Variants in PDE10A observed in about 807,000 individuals in gnomAD.
The protein encoded by PDE10A is phosphodiesterase 10A.
Under a neutral mutation model 97.7 loss-of-function variants are expected in PDE10A, and 39 were observed. The ratio of observed to expected loss-of-function variants is 0.40; its 90% confidence interval spans 0.31 to 0.52. PDE10A has a LOEUF of 0.52. Ranked by LOEUF, PDE10A falls within the 20% of genes least tolerant of loss-of-function variation. The pLI is 0.56. For missense variants in PDE10A, 731 were observed against 1,047.8 expected (o/e 0.70, Z 4.17); for synonymous variants, 371 against 376.8 (o/e 0.98, Z 0.18).
At chr6:165,871,855 G>C (rs924786582) in intron 1 of PDE10A, among the ~76,000 whole-genome samples, 3 of 152,208 alleles carry the variant, frequency 2.0e-5, no homozygotes, top group African/African-American at 4.8e-5. Context: ...GTGAAGGCTG[G>C]AGAAACAGGA....
At chr6:165,701,396 T>C (rs1791566602) in intron 1 of PDE10A, among the ~76,000 whole-genome samples, 1 of 152,256 alleles carries the variant, frequency 6.6e-6, no homozygotes, top group Non-Finnish European at 1.5e-5. Context: ...ATGCTGCACA[T>C]GCTAGCCACT....
intron 5 of PDE10A, among the ~76,000 whole-genome samples, chr6:165,445,888 C>T (rs1790813309): frequency 7.4e-6 from 1 of 134,734 alleles, no homozygotes; most frequent in Non-Finnish European, 1.6e-5. Context: ...ATAGAATTCA[C>T]AGTTAGAGAG....
At chr6:165,959,979 C>T (rs575370369) in intron 1 of PDE10A, among the ~76,000 whole-genome samples, 1 of 152,290 alleles carries the variant, frequency 6.6e-6, no homozygotes, top group Admixed American at 6.5e-5. Flanking sequence ...CCAGCCACAG[C>T]AAGGGACAAT....
At chr6:165,480,534 T>G (rs1779544588) in intron 3 of PDE10A, among the ~76,000 whole-genome samples, 1 of 151,908 alleles carries the variant, frequency 6.6e-6, no homozygotes, top group South Asian at 2.1e-4. Context: ...TGAAGTGAGC[T>G]GACTGTACCA....
At chr6:165,608,080 A>ATACATG (rs1239916295) in intron 1 of PDE10A, among the ~76,000 whole-genome samples, 2 of 136,212 alleles carry the variant, frequency 1.5e-5, no homozygotes, top group African/African-American at 6.8e-5. Flanking sequence ...ATATGTATAT[A>ATACATG]TGTATATATA....
At chr6:165,384,485 T>C (rs1785126344) in intron 17 of PDE10A, among the ~76,000 whole-genome samples, 1 of 152,190 alleles carries the variant, frequency 6.6e-6, no homozygotes, top group Non-Finnish European at 1.5e-5. Context: ...CCTTACTTCA[T>C]GACTTAATCT....
chr6:165,680,951 G>A (rs1790959272), intron 1 of PDE10A, among the ~76,000 whole-genome samples: 1 of 152,168 alleles, frequency 6.6e-6, no homozygotes, highest in Non-Finnish European at 1.5e-5. Context: ...ATGTTTTAGG[G>A]TGGCCAGCTT....
intron 2 of PDE10A, among the ~76,000 whole-genome samples, chr6:165,485,735 G>T (rs1334646438): frequency 6.6e-6 from 1 of 151,832 alleles, no homozygotes; most frequent in African/African-American, 2.4e-5. Flanking sequence ...TGGGACTGCA[G>T]GCGCCCGCCA....
At chr6:165,832,418 A>AT (rs1196597369) in intron 1 of PDE10A, among the ~76,000 whole-genome samples, 2 of 131,748 alleles carry the variant, frequency 1.5e-5, no homozygotes, top group African/African-American at 2.9e-5. Context: ...TAGAATCCTG[A>AT]TTTAAAAAAA....
In PDE10A at chr6:165,328,322, G is replaced by C. The variant is rs1018169018; in HGVS notation, c.*4703C>G. On this transcript the variant is annotated 3_prime_UTR_variant, in exon 22 of 22. Coordinates refer to ENST00000539869, the MANE Select transcript of PDE10A (RefSeq NM_001385079.1). The stretch of plus-strand genomic sequence containing the variant: ...AAGATATAATATTTCAGTTGGGCTA[G>C]AGTATCAGATTATACACTTTTAGAA... 3 of 152,218 alleles carry C rather than the reference G, an allele frequency of 2.0e-5. No individual in the cohort carries two copies. The highest frequency in any genetic ancestry group is 4.4e-5 in the Non-Finnish European group (3 of 68,040). 9.4% of individuals were successfully genotyped at this position (152,218 alleles called of 1,614,324 possible). A position where few individuals can be genotyped will look rare whatever the true frequency, so the allele number is the denominator to read the frequency against.
At chr6:165,843,852 C>G (rs1780330362) in intron 1 of PDE10A, among the ~76,000 whole-genome samples, 1 of 152,210 alleles carries the variant, frequency 6.6e-6, no homozygotes, top group Non-Finnish European at 1.5e-5. Flanking sequence ...AGCAAAGGCT[C>G]AAGTCGGTGC....
chr6:165,830,851 A>C (rs768816162), intron 1 of PDE10A, among the ~76,000 whole-genome samples: 2 of 152,172 alleles, frequency 1.3e-5, no homozygotes, highest in Non-Finnish European at 2.9e-5. Context: ...TTCCAACGAA[A>C]TCCAAAAGCT....
intron 1 of PDE10A, among the ~76,000 whole-genome samples, chr6:165,893,180 A>C (rs998568635): frequency 6.6e-6 from 1 of 152,276 alleles, no homozygotes; most frequent in African/African-American, 2.4e-5. Context: ...TCCTGAAATA[A>C]TACATAACCA....
intron 17 of PDE10A, among the ~76,000 whole-genome samples, chr6:165,385,757 T>C (rs1774760663): frequency 6.6e-6 from 1 of 152,256 alleles, no homozygotes; most frequent in African/African-American, 2.4e-5. Flanking sequence ...TGAATGTTCC[T>C]GCCCATGTAG....
At chr6:165,715,186 C>A (rs970113433) in intron 1 of PDE10A, among the ~76,000 whole-genome samples, 1 of 152,250 alleles carries the variant, frequency 6.6e-6, no homozygotes, top group South Asian at 2.1e-4. Flanking sequence ...TGCACCCAGA[C>A]GGGCCTGCGC....
chr6:165,544,283 G>A (rs562607219), intron 1 of PDE10A, among the ~76,000 whole-genome samples: 17 of 152,232 alleles, frequency 1.1e-4, no homozygotes, highest in African/African-American at 3.9e-4. Context: ...ACATTTATTC[G>A]TTAATATTCT....
intron 1 of PDE10A, among the ~76,000 whole-genome samples, chr6:165,594,279 A>G (rs1049211192): frequency 1.2e-4 from 19 of 152,348 alleles, no homozygotes; most frequent in African/African-American, 3.4e-4. Flanking sequence ...ATGTTGTGCC[A>G]AGAGAGCAAG....
chr6:165,943,346 G>A (rs34471067), intron 1 of PDE10A, among the ~76,000 whole-genome samples: 2,235 of 77,414 alleles, frequency 0.029, 301 homozygotes, highest in South Asian at 0.069. Flanking sequence ...AGAAAGAAAA[G>A]AGAAAGAAAG....
At chr6:165,504,462 G>T (rs1181839861) in intron 2 of PDE10A, among the ~76,000 whole-genome samples, 6 of 152,028 alleles carry the variant, frequency 3.9e-5, no homozygotes, top group Non-Finnish European at 7.4e-5. Context: ...ATATGCTGAG[G>T]TCTCTAAGAC....
Sources: gnomAD v4.1 joint callset for allele counts (sites outside exome capture counted in the v4.1 genomes callset) on GRCh38, gnomAD v4.1.1 for gene constraint, MANE v1.5 for transcripts, NCBI Gene and HGNC (gene_info 2026-07-23, HGNC 2026-07-21) for gene names.